AP1G1: variants seen among roughly 807,000 people sequenced by gnomAD.
AP1G1 encodes AP-1 complex subunit gamma-1.
AP1G1 carries 7 observed loss-of-function variants against 108.3 expected under a neutral mutation model. The observed-to-expected ratio is 0.06, with a 90% CI of 0.04 to 0.12. The LOEUF (loss-of-function observed/expected upper bound fraction) is 0.12, where lower values mean the gene tolerates loss of function less well. Ranked by LOEUF, AP1G1 falls within the 10% of genes least tolerant of loss-of-function variation. The pLI is 1.00. For synonymous variants in AP1G1, 379 were observed against 353.5 expected, an observed-to-expected ratio of 1.07 and a Z score of -0.81; for missense variants, 756 against 1,010.7, an observed-to-expected ratio of 0.75 and a Z score of 3.42.
At chr16:71,780,819 A>AC (rs1491400082) in intron 2 of AP1G1, among the ~76,000 whole-genome samples, 18 of 141,284 alleles carry the variant, frequency 1.3e-4, no homozygotes, top group African/African-American at 4.7e-4. Context: ...CTAATTTTTT[A>AC]CTTTTTTTTT....
intron 1 of AP1G1, among the ~76,000 whole-genome samples, chr16:71,806,089 C>T (rs2032990052): frequency 6.6e-6 from 1 of 151,670 alleles, no homozygotes; most frequent in South Asian, 2.1e-4. Context: ...GTTTGCATAC[C>T]ACTGATTTTT....
At chr16:71,756,497 A>G (rs925816224) in intron 11 of AP1G1, among the ~76,000 whole-genome samples, 2 of 152,178 alleles carry the variant, frequency 1.3e-5, no homozygotes, top group Non-Finnish European at 2.9e-5. Flanking sequence ...GGCAACAAAT[A>G]AATGTATTAC....
chr16:71,787,590 T>C (rs2032252055), intron 2 of AP1G1, among the ~76,000 whole-genome samples: 1 of 152,210 alleles, frequency 6.6e-6, no homozygotes, highest in Non-Finnish European at 1.5e-5. Context: ...TTAAGAGTCT[T>C]CTCCCTCACT....
intron 8 of AP1G1, 96 bp from the exon 9 acceptor site, chr16:71,764,544 T>C (rs929624117): frequency 4.0e-6 from 5 of 1,256,788 alleles, no homozygotes; most frequent in African/African-American, 1.5e-5. Flanking sequence ...ATTACAGCTA[T>C]GAATGAGGAA....
chr16:71,771,663 A>G (rs931885376), intron 4 of AP1G1, among the ~76,000 whole-genome samples: 1 of 152,256 alleles, frequency 6.6e-6, no homozygotes, highest in African/African-American at 2.4e-5. Flanking sequence ...AACTTTCTAC[A>G]TTAGACTATG....
At chr16:71,808,158 A>G (rs530884455) in intron 1 of AP1G1, 35 of 1,146,074 alleles carry the variant, frequency 3.1e-5, no homozygotes, top group Non-Finnish European at 7.6e-6. Flanking sequence ...GAGCTGAGAA[A>G]AGGGTAAACA....
intron 11 of AP1G1, among the ~76,000 whole-genome samples, chr16:71,757,471 G>C (rs2030861623): frequency 6.6e-6 from 1 of 151,922 alleles, no homozygotes; most frequent in Non-Finnish European, 1.5e-5. Context: ...AAATTAACGA[G>C]TGGGGATACT....
Position 71,734,717 on chromosome 16 carries a change from A to G in AP1G1, c.2269-10T>C. On this transcript the variant is annotated splice_polypyrimidine_tract_variant and intron_variant, in intron 21 of 22. Coordinates refer to ENST00000299980, the MANE Select transcript of AP1G1 (RefSeq NM_001128.6). ...GCTGCAGCTGGAATGTCTAGGGGGGAACAAAGGGCACTCTTCAGAAAAAGA... is the reference window on the plus strand; with the variant it reads ...GCTGCAGCTGGAATGTCTAGGGGGGGACAAAGGGCACTCTTCAGAAAAAGA... 6.2e-7 allele frequency: 1 copy of G among 1,603,738 alleles called. No homozygotes were observed. Among genetic ancestry groups the G allele is most frequent in the Non-Finnish European group, 8.5e-7 (1 of 1,170,916 alleles).
At chr16:71,766,697 G>T (rs535474763) in intron 6 of AP1G1, among the ~76,000 whole-genome samples, 2 of 152,208 alleles carry the variant, frequency 1.3e-5, no homozygotes, top group South Asian at 4.1e-4. Context: ...AGCCTAAAAG[G>T]GGATCAAGAT....
intron 10 of AP1G1, among the ~76,000 whole-genome samples, chr16:71,760,013 T>C (rs2031001279): frequency 1.3e-5 from 2 of 151,962 alleles, no homozygotes; most frequent in African/African-American, 2.4e-5. Context: ...CTTAGTATGT[T>C]AGTGTTTTAA....
intron 2 of AP1G1, among the ~76,000 whole-genome samples, chr16:71,776,790 G>C (rs1278131690): frequency 2.6e-5 from 4 of 151,380 alleles, no homozygotes; most frequent in African/African-American, 9.7e-5. Flanking sequence ...GGTTTTTTTT[G>C]CACGACCATT....
chr16:71,733,299 C>A (rs975579888), intron 22 of AP1G1, 140 bp from the exon 23 acceptor site: 2 of 651,812 alleles, frequency 3.1e-6, no homozygotes, highest in African/African-American at 1.8e-5. Context: ...TAAACAACAA[C>A]AAAAAACACC....
intron 10 of AP1G1, among the ~76,000 whole-genome samples, chr16:71,759,795 T>C (rs1380163357): frequency 4.0e-5 from 6 of 151,420 alleles, no homozygotes; most frequent in African/African-American, 7.3e-5. Flanking sequence ...AAATTAAATA[T>C]AAAATATAAA....
At chr16:71,734,141 C>T (rs2045504838) in intron 22 of AP1G1, among the ~76,000 whole-genome samples, 1 of 152,192 alleles carries the variant, frequency 6.6e-6, no homozygotes, top group African/African-American at 2.4e-5. Flanking sequence ...CAACTGATTA[C>T]TATTAAGGTG....
At chr16:71,785,952 A>C (rs778053996) in intron 2 of AP1G1, among the ~76,000 whole-genome samples, 4 of 152,210 alleles carry the variant, frequency 2.6e-5, no homozygotes, top group Non-Finnish European at 5.9e-5. Context: ...TGCAGGTGAC[A>C]AAATCTAGAT....
chr16:71,793,503 G>C (rs1223732955), intron 1 of AP1G1, among the ~76,000 whole-genome samples: 2 of 151,960 alleles, frequency 1.3e-5, no homozygotes, highest in East Asian at 3.9e-4. Flanking sequence ...CCAACACCAA[G>C]GGAAGAAACA....
intron 1 of AP1G1, among the ~76,000 whole-genome samples, chr16:71,802,774 C>T (rs755574588): frequency 1.3e-5 from 2 of 151,724 alleles, no homozygotes; most frequent in Non-Finnish European, 2.9e-5. Flanking sequence ...GTTTCCCAGG[C>T]TGGTTTCAAA....
chr16:71,796,245 T>G (rs531010585), intron 1 of AP1G1, among the ~76,000 whole-genome samples: 1 of 152,090 alleles, frequency 6.6e-6, no homozygotes, highest in South Asian at 2.1e-4. Context: ...TCAAAAATAA[T>G]AATAATACAA....
intron 11 of AP1G1, among the ~76,000 whole-genome samples, chr16:71,757,769 T>G (rs894296647): frequency 2.0e-5 from 3 of 152,154 alleles, no homozygotes; most frequent in Non-Finnish European, 4.4e-5. Flanking sequence ...CAAGTTTCAC[T>G]TTTTTTGAAA....
Sources: gnomAD v4.1 joint callset for allele counts (sites outside exome capture counted in the v4.1 genomes callset) on GRCh38, gnomAD v4.1.1 for gene constraint, MANE v1.5 for transcripts, NCBI Gene and HGNC (gene_info 2026-07-23, HGNC 2026-07-21) for gene names.